Variants in SVBP observed in about 807,000 individuals in gnomAD.
SVBP encodes the protein small vasohibin binding protein.
Under a neutral mutation model 9.2 loss-of-function variants are expected in SVBP, and 9 were observed. That is an observed-to-expected ratio of 0.98 (90% CI 0.59 to 1.71). The LOEUF (loss-of-function observed/expected upper bound fraction) is 1.71. SVBP is among the 40% of genes most tolerant of loss of function. SVBP has a pLI of 0.00. For missense variants in SVBP, 63 were observed against 73.2 expected (o/e 0.86, Z 0.51); for synonymous variants, 27 against 23.9 (o/e 1.13, Z -0.37).
At chr1:42,816,660 A>C in intron 1 of SVBP, 80 bp from the exon 2 acceptor site, 1 of 708,572 alleles carries the variant, frequency 1.4e-6, no homozygotes, top group Non-Finnish European at 2.4e-6. Flanking sequence ...CTAATCCTTT[A>C]GCTCCGCCCC....
intron 2 of SVBP, among the ~76,000 whole-genome samples, chr1:42,810,305 G>A (rs1654056635): frequency 3.9e-5 from 6 of 151,998 alleles, no homozygotes; most frequent in Admixed American, 3.9e-4. Context: ...GCACCACCGT[G>A]CCTGGCTAAT....
chr1:42,810,157 T>C (rs1290988714), intron 2 of SVBP, among the ~76,000 whole-genome samples: 3 of 148,266 alleles, frequency 2.0e-5, no homozygotes, highest in African/African-American at 5.3e-5. Flanking sequence ...CACACACATA[T>C]ATTTTTTTTG....
At chr1:42,816,123 C>G (rs1654200014) in intron 2 of SVBP, 2 of 273,952 alleles carry the variant, frequency 7.3e-6, no homozygotes, top group Non-Finnish European at 1.4e-5. Context: ...CTGACACTTG[C>G]GTGCTCTCTC....
chr1:42,815,558 T>G (rs1475833798), intron 2 of SVBP, among the ~76,000 whole-genome samples: 1 of 152,068 alleles, frequency 6.6e-6, no homozygotes, highest in African/African-American at 2.4e-5. Flanking sequence ...AAAAATACTA[T>G]AAATAATTTA....
rs1654264386 is a variant in SVBP, at chr1:42,817,317, G to C, written c.-164C>G. 1 of 1,135,948 alleles carries C rather than the reference G, an allele frequency of 8.8e-7. No homozygotes were observed. The highest frequency in any genetic ancestry group is 1.7e-5 in the African/African-American group (1 of 59,514). 70.4% of individuals were successfully genotyped at this position (1,135,948 alleles called of 1,614,324 possible). On this transcript the variant is annotated 5_prime_UTR_variant, in exon 1 of 3. Transcript: ENST00000372521. ...GCCTGCCCACCGCCCCTCGTCCTGGGCGGGGCCGCGCGCCGGGGGGAGGGG... is the reference window on the plus strand; with the variant it reads ...GCCTGCCCACCGCCCCTCGTCCTGGCCGGGGCCGCGCGCCGGGGGGAGGGG...
chr1:42,812,580 GT>G (rs1297462093), intron 2 of SVBP, among the ~76,000 whole-genome samples: 1 of 152,136 alleles, frequency 6.6e-6, no homozygotes, highest in Non-Finnish European at 1.5e-5. Flanking sequence ...CCCTGGTAAC[GT>G]TAGAAGGAAT....
intron 2 of SVBP, among the ~76,000 whole-genome samples, chr1:42,808,147 GTGTA>G (rs201396803): frequency 5.0e-4 from 27 of 53,906 alleles, no homozygotes; most frequent in Admixed American, 2.5e-3. Context: ...GTGTGTGTGT[GTGTA>G]TATATATATA....
Position 42,811,324 on chromosome 1 carries a change from C to T in SVBP, c.115-3824G>A, listed in dbSNP as rs75475423. 3.9e-4 allele frequency among the ~76,000 whole-genome samples: 60 copies of T among 152,306 alleles called. No homozygotes were observed. The East Asian group carries it at 6.2e-3, about 16-fold the overall frequency. ...GATAATACTGCCTACCTCACAAGGC[C>T]ATATATTTTACATATCGGATTAACC... On this transcript the variant is annotated intron_variant, in intron 2 of 2. Coordinates refer to ENST00000372521, the MANE Select transcript of SVBP (RefSeq NM_199342.4).
chr1:42,810,382 G>C (rs946332901), intron 2 of SVBP, among the ~76,000 whole-genome samples: 1 of 152,026 alleles, frequency 6.6e-6, no homozygotes, highest in Non-Finnish European at 1.5e-5. Context: ...TCCTGACCTC[G>C]TGATCTGCCC....
chr1:42,810,292 C>T (rs1466997641), intron 2 of SVBP, among the ~76,000 whole-genome samples: 9 of 152,046 alleles, frequency 5.9e-5, no homozygotes, highest in East Asian at 1.9e-4. Context: ...GGACTACAGG[C>T]GTGCACCACC....
intron 2 of SVBP, among the ~76,000 whole-genome samples, chr1:42,812,887 C>G (rs2124249650): frequency 1.3e-5 from 2 of 152,212 alleles, no homozygotes; most frequent in East Asian, 3.9e-4. Flanking sequence ...TTTAAAAAAA[C>G]AGGCTTAAAC....
intron 2 of SVBP, among the ~76,000 whole-genome samples, chr1:42,809,930 G>A (rs1654042466): frequency 6.6e-6 from 1 of 152,084 alleles, no homozygotes; most frequent in South Asian, 2.1e-4. Flanking sequence ...ACGTAGAACA[G>A]CAAGAATGAT....
At position 42,817,343 on chromosome 1, in the gene SVBP, C is replaced by T. The variant is rs993627829; in HGVS notation, c.-190G>A. ...CGGGGCCGCGCGCCGGGGGGAGGGG[C>T]GCAGGGCCGAGCGCCAGGAGGCTTC... is the stretch of plus-strand genomic sequence containing the variant. On this transcript the variant is annotated 5_prime_UTR_variant, in exon 1 of 3. Transcript: ENST00000372521. 2 of 900,362 alleles carry T rather than the reference C, an allele frequency of 2.2e-6. No individual in the cohort carries two copies. Among genetic ancestry groups the T allele is most frequent in the Non-Finnish European group, 2.8e-6 (2 of 710,742 alleles). 55.8% of individuals were successfully genotyped at this position (900,362 alleles called of 1,614,324 possible). A position where few individuals can be genotyped will look rare whatever the true frequency, so the allele number is the denominator to read the frequency against.
chr1:42,812,071 AG>A (rs1411366498), intron 2 of SVBP, among the ~76,000 whole-genome samples: 1 of 152,006 alleles, frequency 6.6e-6, no homozygotes, highest in African/African-American at 2.4e-5. Flanking sequence ...AGTACAATAG[AG>A]GAAGTCTCTC....
chr1:42,810,840 A>G lies in SVBP; in HGVS notation c.115-3340T>C, dbSNP rs78116070. Reference sequence around the variant, plus strand: ...CTTGTTGCATTACATTCCAGGCAATAAAGATTAAAAACAAACAGGATAGGC... The same window carrying G: ...CTTGTTGCATTACATTCCAGGCAATGAAGATTAAAAACAAACAGGATAGGC... On this transcript the variant is annotated intron_variant, in intron 2 of 2. Transcript: ENST00000372521. 6.8e-3 allele frequency among the ~76,000 whole-genome samples: 1,033 copies of G among 152,294 alleles called. 9 individuals carry two copies. The highest frequency in any genetic ancestry group is 0.012 in the Non-Finnish European group (811 of 68,026).
chr1:42,815,225 G>A, intron 2 of SVBP, among the ~76,000 whole-genome samples: 1 of 116,930 alleles, frequency 8.6e-6, no homozygotes, highest in East Asian at 2.9e-4. Context: ...TTGTGGGGTG[G>A]GGGGAGGGGG....
rs752386573 is a variant in SVBP, at chr1:42,807,428, G to A, written c.187C>T (p.Pro63Ser). 11 of 1,613,414 alleles carry A rather than the reference G, an allele frequency of 6.8e-6. No homozygotes were observed. The highest frequency in any genetic ancestry group is 9.3e-6 in the Non-Finnish European group (11 of 1,179,462). ...AACCTGGGGCCTCATTCTCCAGGAG[G>A]CTGCATCTGTTTACAGAACTCATCA... ...QFDEFCKQMQ[P>S]PGE The change falls in exon 3 of 3, where the codon CCT (proline) becomes TCT (serine). Residue 63 changes from proline to serine, a missense_variant. Physicochemically the swap from Pro to Ser is moderately conservative, Grantham distance 74. Coordinates refer to ENST00000372521, the MANE Select transcript of SVBP (RefSeq NM_199342.4).
chr1:42,816,220 A>G, intron 2 of SVBP: 1 of 503,956 alleles, frequency 2.0e-6, no homozygotes, highest in Admixed American at 3.9e-5. Flanking sequence ...GCTCCGCACC[A>G]GACTGGGGTT....
In SVBP at chr1:42,817,277, A is replaced by T. The variant is rs1007407959; in HGVS notation, c.-124T>A. ...GGGTAATCCTCGCCTTCCCCCGACC[A>T]CTGGACCCAGCGCTGCCTGCCCACC... On this transcript the variant is annotated 5_prime_UTR_variant, in exon 1 of 3. Coordinates refer to ENST00000372521, the MANE Select transcript of SVBP (RefSeq NM_199342.4). 1 of 1,231,990 alleles carries T rather than the reference A, an allele frequency of 8.1e-7. No homozygotes were observed. The highest frequency in any genetic ancestry group is 2.7e-5 in the Admixed American group (1 of 37,460). The allele number at this position is 1,231,990 out of a possible 1,614,324, so 76.3% of individuals were successfully genotyped here.
Sources: gnomAD v4.1 joint callset for allele counts (sites outside exome capture counted in the v4.1 genomes callset) on GRCh38, gnomAD v4.1.1 for gene constraint, MANE v1.5 for transcripts, NCBI Gene and HGNC (gene_info 2026-07-23, HGNC 2026-07-21) for gene names.